CCDC180: variants seen among roughly 807,000 people sequenced by gnomAD.
CCDC180 encodes coiled-coil domain-containing protein 180.
CCDC180 carries 154 observed loss-of-function variants against 209.2 expected under a neutral mutation model. The ratio of observed to expected loss-of-function variants is 0.74; its 90% CI spans 0.65 to 0.84. CCDC180 has a LOEUF of 0.84. CCDC180 is among the 40% of genes least tolerant of loss of function. CCDC180 has a pLI of 0.00. For missense variants in CCDC180, 1,874 were observed against 1,997.3 expected (o/e 0.94, Z 1.18); for synonymous variants, 778 against 749.1 (o/e 1.04, Z -0.63).
chr9:97,322,543 A>C (rs1410778244), intron 11 of CCDC180, among the ~76,000 whole-genome samples: 1 of 152,222 alleles, frequency 6.6e-6, no homozygotes, highest in Non-Finnish European at 1.5e-5. Context: ...ACTGGTTTAC[A>C]ACTTGGTGCA....
intron 23 of CCDC180, 30 bp from the exon 24 acceptor site, chr9:97,354,862 C>T (rs1564169758): frequency 6.3e-7 from 1 of 1,578,096 alleles, no homozygotes; most frequent in Non-Finnish European, 8.7e-7. Context: ...AATTAAGCCC[C>T]TGTCCTTTAC....
intron 34 of CCDC180, 38 bp downstream of exon 34, chr9:97,371,744 G>A: frequency 7.3e-7 from 1 of 1,366,472 alleles, no homozygotes; most frequent in Non-Finnish European, 1.0e-6. Flanking sequence ...TGGCCCTGGG[G>A]GGCTGGTGAG....
intron 35 of CCDC180, among the ~76,000 whole-genome samples, chr9:97,374,956 C>T (rs972742965): frequency 2.0e-5 from 3 of 152,218 alleles, no homozygotes; most frequent in Admixed American, 6.5e-5. Flanking sequence ...GTGGGGGACA[C>T]ATTCTTGGGT....
At chr9:97,343,305 A>G (rs1826142122) in intron 18 of CCDC180, 35 bp from the exon 19 acceptor site, 1 of 1,359,160 alleles carries the variant, frequency 7.4e-7, no homozygotes, top group Non-Finnish European at 1.0e-6. Context: ...CCATTTGATG[A>G]TATCAAGTCA....
At chr9:97,374,370 C>G (rs1012139573) in intron 34 of CCDC180, 173 bp from the exon 35 acceptor site, 4 of 593,750 alleles carry the variant, frequency 6.7e-6, no homozygotes, top group African/African-American at 1.9e-5. Flanking sequence ...GTCACCACCC[C>G]GAGCTGTGTG....
intron 8 of CCDC180, among the ~76,000 whole-genome samples, chr9:97,315,527 A>G (rs1833141498): frequency 6.6e-6 from 1 of 152,018 alleles, no homozygotes; most frequent in Non-Finnish European, 1.5e-5. Flanking sequence ...CACAAAATTC[A>G]AGGTTGTTCA....
At chr9:97,374,430 C>T (rs1827185513) in intron 34 of CCDC180, 113 bp from the exon 35 acceptor site, 1 of 757,000 alleles carries the variant, frequency 1.3e-6, no homozygotes. Context: ...GCCATAACTC[C>T]AAGTGGGAGG....
chr9:97,326,453 C>A (rs559234883), intron 14 of CCDC180, 101 bp from the exon 15 acceptor site: 51 of 729,112 alleles, frequency 7.0e-5, no homozygotes, highest in Non-Finnish European at 1.2e-4. Flanking sequence ...TGCTGAGGCA[C>A]CTGGGCCTCA....
chr9:97,313,056 C>A (rs1049714273), intron 4 of CCDC180, among the ~76,000 whole-genome samples, 180 bp from the exon 5 acceptor site: 2 of 152,058 alleles, frequency 1.3e-5, no homozygotes, highest in African/African-American at 4.8e-5. Context: ...AGGCCTCGGT[C>A]CCTCTAGCAC....
chr9:97,308,530 C>G (rs954915251), intron 2 of CCDC180, among the ~76,000 whole-genome samples: 4 of 152,130 alleles, frequency 2.6e-5, no homozygotes, highest in Non-Finnish European at 5.9e-5. Flanking sequence ...CCGTGGGCGC[C>G]CATGTATTTC....
chr9:97,321,753 A>G (rs1437648217), intron 11 of CCDC180, among the ~76,000 whole-genome samples: 1 of 152,218 alleles, frequency 6.6e-6, no homozygotes, highest in Admixed American at 6.5e-5. Context: ...TTAGGGACAC[A>G]GCTGGTTCAG....
At chr9:97,370,977 G>A in intron 33 of CCDC180, 199 bp downstream of exon 33, 1 of 245,698 alleles carries the variant, frequency 4.1e-6, no homozygotes, top group South Asian at 4.9e-5. Context: ...TTTTTTTTGA[G>A]ACGGAGTCTC....
Position 97,308,085 on chromosome 9 carries a change from A to C in CCDC180, c.22A>C (p.Thr8Pro), listed in dbSNP as rs138173508. Residue 8 changes from threonine to proline, a missense_variant, in exon 2 of 37, where the codon ACC (threonine) becomes CCC (proline). Coordinates refer to ENST00000529487, the MANE Select transcript of CCDC180 (RefSeq NM_020893.6). Reference sequence around the variant, plus strand: ...CAAGATGTCGTCAGTGGGGAAGGTGACCCAGGTTCCGAATGGGAAAGCCTA... The same window carrying C: ...CAAGATGTCGTCAGTGGGGAAGGTGCCCCAGGTTCCGAATGGGAAAGCCTA... MSSVGKV[T>P]QVPNGKAYQQ... is the part of the protein sequence containing the mutation. The C allele has an allele frequency of 4.9e-4, 789 of 1,613,104 alleles. 3 individuals carry two copies. The African/African-American group carries it at 9.5e-3, about 19-fold the overall frequency.
Position 97,371,318 on chromosome 9 carries a change from A to G in CCDC180, c.4489-277A>G, listed in dbSNP as rs202005480. On this transcript the variant is annotated intron_variant, in intron 33 of 36. Coordinates refer to ENST00000529487, the MANE Select transcript of CCDC180 (RefSeq NM_020893.6). ...AATTAATTACAAAATTACTGACGATAACTTTTATTTAGTGATCCATGTCTA... is the reference window on the plus strand; with the variant it reads ...AATTAATTACAAAATTACTGACGATGACTTTTATTTAGTGATCCATGTCTA... 9 of 276,716 alleles carry G rather than the reference A, an allele frequency of 3.3e-5. No homozygotes were observed. The East Asian group carries it at 5.5e-4, about 17-fold the overall frequency. The allele number at this position is 276,716 out of a possible 1,614,324, so 17.1% of individuals were successfully genotyped here. A position where few individuals can be genotyped will look rare whatever the true frequency, so the allele number is the denominator to read the frequency against.
chr9:97,371,824 C>T, intron 34 of CCDC180, 118 bp downstream of exon 34: 1 of 539,058 alleles, frequency 1.9e-6, no homozygotes, highest in South Asian at 4.4e-5. Flanking sequence ...ATTGAGGGGA[C>T]TGATTAATTT....
intron 36 of CCDC180, chr9:97,376,197 T>G (rs1827255284): frequency 6.4e-6 from 1 of 156,532 alleles, no homozygotes; most frequent in South Asian, 1.9e-4. Context: ...CTACACCCAG[T>G]TGCCACTTGA....
intron 19 of CCDC180, 147 bp from the exon 20 acceptor site, chr9:97,347,167 G>A: frequency 2.8e-6 from 2 of 709,798 alleles, no homozygotes; most frequent in Non-Finnish European, 2.3e-6. Flanking sequence ...AAAGAGTAAT[G>A]GTCCATTTAC....
At chr9:97,351,046 C>T (rs1035217552) in intron 22 of CCDC180, among the ~76,000 whole-genome samples, 2 of 152,112 alleles carry the variant, frequency 1.3e-5, no homozygotes, top group Non-Finnish European at 2.9e-5. Context: ...ATTTTGTTTA[C>T]CCATTCATCT....
chr9:97,354,984 T>G lies in CCDC180; in HGVS notation c.3240T>G (p.Asn1080Lys). The G allele has an allele frequency of 1.9e-6, 3 of 1,612,750 alleles. No individual in the cohort carries two copies. Among genetic ancestry groups the G allele is most frequent in the Non-Finnish European group, 2.5e-6 (3 of 1,178,824 alleles). Residue 1080 changes from asparagine to lysine, a missense_variant, in exon 24 of 37, where the codon AAT becomes AAG. By Grantham distance (94) the Asn-to-Lys change is moderately conservative (BLOSUM62 0). Coordinates refer to ENST00000529487, the MANE Select transcript of CCDC180 (RefSeq NM_020893.6). ...FIEKIQRLLT[N>K]LQVKIKCQVA... ...AGAAAATCCAGCGGTTGCTGACGAA[T>G]CTGCAAGTGAAAATCAAGTGCCAGG...
Sources: gnomAD v4.1 joint callset for allele counts (sites outside exome capture counted in the v4.1 genomes callset) on GRCh38, gnomAD v4.1.1 for gene constraint, MANE v1.5 for transcripts, NCBI Gene and HGNC (gene_info 2026-07-23, HGNC 2026-07-21) for gene names.